Variants in TLL2 observed in about 807,000 individuals in gnomAD.
The protein encoded by TLL2 is tolloid like 2.
In TLL2, 106 loss-of-function variants were observed where a neutral mutation model predicts 123.0. The ratio of observed to expected loss-of-function variants is 0.86; its 90% CI spans 0.74 to 1.01. The LOEUF (loss-of-function observed/expected upper bound fraction) is 1.01. Among genes scored for constraint, TLL2 ranks in the 50% least tolerant of loss-of-function variants. TLL2 has a pLI of 0.00. For synonymous variants in TLL2, 494 were observed against 516.8 expected (o/e 0.96, Z 0.60); for missense variants, 1,332 against 1,336.7 (o/e 1.00, Z 0.06).
At chr10:96,463,043 A>G (rs528069109) in intron 2 of TLL2, among the ~76,000 whole-genome samples, 1 of 152,350 alleles carries the variant, frequency 6.6e-6, no homozygotes, top group East Asian at 1.9e-4. Flanking sequence ...ATAACCAAAA[A>G]AGTGCCATGA....
intron 2 of TLL2, among the ~76,000 whole-genome samples, chr10:96,464,261 G>A (rs1279897666): frequency 6.6e-6 from 1 of 152,080 alleles, no homozygotes; most frequent in Non-Finnish European, 1.5e-5. Flanking sequence ...GTGTGCACCT[G>A]TAATCCCAGC....
chr10:96,453,752 A>G (rs188171188), intron 2 of TLL2, among the ~76,000 whole-genome samples: 26 of 152,334 alleles, frequency 1.7e-4, no homozygotes, highest in Admixed American at 1.3e-4. Context: ...TATAAATTCA[A>G]TAGAATCCAG....
Position 96,480,462 on chromosome 10 carries a change from G to A in TLL2, c.176-3C>T, listed in dbSNP as rs1847301971. ...GGCAATGTCTCCCCAAAAGACAGCT[G>A]GGAAGGAAACACATAAGTGGGTGAA... is the stretch of plus-strand genomic sequence containing the variant. On this transcript the variant is annotated splice_polypyrimidine_tract_variant and splice_region_variant and intron_variant, in intron 1 of 20. Transcript: ENST00000357947. 3 of 1,611,364 alleles carry A rather than the reference G, an allele frequency of 1.9e-6. No homozygotes were observed. The highest frequency in any genetic ancestry group is 1.3e-5 in the African/African-American group (1 of 74,846).
intron 19 of TLL2, chr10:96,373,008 A>AGAGGAAGAAAGGAAGGAAAGAAGGAGG: frequency 6.6e-6 from 1 of 152,244 alleles, no homozygotes; most frequent in African/African-American, 2.4e-5. Flanking sequence ...TTTTTAAAAG[A>AGAGGAAGAAAGGAAGGAAAGAAGGAGG]GAGGAAGAAA....
chr10:96,508,869 T>C (rs1477215837), intron 1 of TLL2, among the ~76,000 whole-genome samples: 1 of 151,990 alleles, frequency 6.6e-6, no homozygotes, highest in Non-Finnish European at 1.5e-5. Flanking sequence ...TTTAACAACA[T>C]GATATTGACA....
chr10:96,488,462 G>A (rs570388189), intron 1 of TLL2, among the ~76,000 whole-genome samples: 33 of 152,272 alleles, frequency 2.2e-4, no homozygotes, highest in African/African-American at 7.9e-4. Context: ...CCCACACTGC[G>A]GTCCTGCAGA....
chr10:96,378,213 G>A (rs1048822899), intron 17 of TLL2, among the ~76,000 whole-genome samples: 12 of 152,260 alleles, frequency 7.9e-5, no homozygotes, highest in Admixed American at 7.8e-4. Flanking sequence ...TTATTCCAGA[G>A]ATCAGGGTGT....
intron 1 of TLL2, among the ~76,000 whole-genome samples, chr10:96,488,580 C>A (rs1227059423): frequency 6.6e-6 from 1 of 152,186 alleles, no homozygotes; most frequent in Non-Finnish European, 1.5e-5. Context: ...GGGGACACAG[C>A]CCATAGCATG....
chr10:96,430,509 G>C (rs1240299368), intron 4 of TLL2, among the ~76,000 whole-genome samples: 1 of 152,206 alleles, frequency 6.6e-6, no homozygotes, highest in African/African-American at 2.4e-5. Flanking sequence ...ACAGCACTGG[G>C]GGAGGCTCCC....
chr10:96,422,825 A>G, intron 5 of TLL2, 98 bp from the exon 6 acceptor site: 1 of 1,410,180 alleles, frequency 7.1e-7, no homozygotes, highest in Non-Finnish European at 9.8e-7. Flanking sequence ...GCGTGTGTGC[A>G]TGTAAAAGAA....
At chr10:96,372,784 T>C (rs1822367608) in intron 19 of TLL2, among the ~76,000 whole-genome samples, 2 of 152,316 alleles carry the variant, frequency 1.3e-5, no homozygotes, top group Non-Finnish European at 2.9e-5. Flanking sequence ...TTTGAACTCC[T>C]GGGCTCCAGC....
At chr10:96,382,735 T>C (rs947301611) in intron 16 of TLL2, among the ~76,000 whole-genome samples, 3 of 152,234 alleles carry the variant, frequency 2.0e-5, no homozygotes, top group Admixed American at 2.0e-4. Flanking sequence ...ATTTGCCAGA[T>C]GTTCCCCCTT....
At chr10:96,477,898 T>C (rs1399342014) in intron 2 of TLL2, among the ~76,000 whole-genome samples, 1 of 152,196 alleles carries the variant, frequency 6.6e-6, no homozygotes, top group African/African-American at 2.4e-5. Context: ...TCTGCTGATG[T>C]TGGCCAGCAC....
chr10:96,417,011 G>T (rs189421972), intron 7 of TLL2, among the ~76,000 whole-genome samples: 4 of 152,194 alleles, frequency 2.6e-5, no homozygotes, highest in African/African-American at 7.2e-5. Context: ...TCCAACCAAG[G>T]GGGAGGGGAG....
Position 96,386,131 on chromosome 10 carries a change from C to T in TLL2, c.1937G>A (p.Cys646Tyr). The change falls in exon 15 of 21, where the codon TGT becomes TAT. Residue 646 changes from cysteine (C) to tyrosine (Y), a missense_variant. Transcript: ENST00000357947. The part of the protein sequence containing the change: ...WPKEYPTNKN[C>Y]VWQVVAPAQY... ...AGCGGGGGCCACCACCTGCCAGACA[C>T]AGTTTTTGTTTGTGGGATACTCCTT... 6.2e-7 allele frequency: 1 copy of T among 1,613,168 alleles called. No homozygotes were observed. Among genetic ancestry groups the T allele is most frequent in the South Asian group, 1.1e-5 (1 of 90,914 alleles).
At chr10:96,467,092 G>A (rs376964438) in intron 2 of TLL2, among the ~76,000 whole-genome samples, 10 of 152,324 alleles carry the variant, frequency 6.6e-5, no homozygotes, top group Non-Finnish European at 1.0e-4. Context: ...GTTTCCAGCT[G>A]TAACAAAGTA....
intron 3 of TLL2, among the ~76,000 whole-genome samples, chr10:96,441,238 G>T (rs764739498): frequency 3.3e-5 from 5 of 152,182 alleles, no homozygotes; most frequent in Admixed American, 6.5e-5. Flanking sequence ...TTCCCACACG[G>T]GAAGTAAACA....
chr10:96,431,560 T>A (rs905242994), intron 4 of TLL2, among the ~76,000 whole-genome samples: 6 of 152,124 alleles, frequency 3.9e-5, no homozygotes, highest in African/African-American at 1.4e-4. Context: ...AGGCTTTCCA[T>A]TGACATTGGC....
chr10:96,371,055 C>T (rs1414037875), intron 19 of TLL2, among the ~76,000 whole-genome samples: 1 of 152,174 alleles, frequency 6.6e-6, no homozygotes, highest in Non-Finnish European at 1.5e-5. Flanking sequence ...GGCGCAGTGG[C>T]TCATGCCTGT....
Sources: allele counts gnomAD v4.1 joint callset (sites outside exome capture counted in the v4.1 genomes callset), GRCh38; gene constraint gnomAD v4.1.1; transcripts MANE v1.5; gene names NCBI Gene and HGNC (gene_info 2026-07-23, HGNC 2026-07-21).